The following VTI1A variants were observed in gnomAD, a reference collection of about 807,000 sequenced individuals.
VTI1A encodes the protein vesicle transport through interaction with t-SNAREs 1A.
A neutral mutation model predicts 34.9 loss-of-function variants in VTI1A; 22 were observed. The ratio of observed to expected loss-of-function variants is 0.63; its 90% confidence interval spans 0.45 to 0.90. The LOEUF (loss-of-function observed/expected upper bound fraction) is 0.90, where lower values mean the gene tolerates loss of function less well. Ranked by LOEUF, VTI1A falls within the 40% of genes least tolerant of loss-of-function variation. The pLI is 0.00. For synonymous variants in VTI1A, 87 were observed against 97.3 expected (o/e 0.89, Z 0.62); for missense variants, 268 against 275.6 (o/e 0.97, Z 0.20).
intron 5 of VTI1A, among the ~76,000 whole-genome samples, chr10:112,581,157 G>T (rs963921011): frequency 1.3e-5 from 2 of 152,198 alleles, no homozygotes; most frequent in East Asian, 1.9e-4. Flanking sequence ...ACACAGGGAG[G>T]AGAGTGTAGT....
chr10:112,530,767 G>A (rs1346307638), intron 4 of VTI1A, among the ~76,000 whole-genome samples: 1 of 152,090 alleles, frequency 6.6e-6, no homozygotes, highest in South Asian at 2.1e-4. Flanking sequence ...AGACCAGGGG[G>A]TGAAGTCGGT....
the VTI1A span, among the ~76,000 whole-genome samples, chr10:112,834,244 TG>T: frequency 6.6e-6 from 1 of 152,184 alleles, no homozygotes; most frequent in African/African-American, 2.4e-5. Flanking sequence ...CCCCAGTCTC[TG>T]GTCTGTTCAT....
chr10:112,690,005 G>T (rs552849420), intron 7 of VTI1A, among the ~76,000 whole-genome samples: 1 of 152,014 alleles, frequency 6.6e-6, no homozygotes, highest in East Asian at 1.9e-4. Flanking sequence ...TCATGTAAAT[G>T]GAATTATACA....
intron 5 of VTI1A, among the ~76,000 whole-genome samples, chr10:112,648,883 G>C (rs1846900780): frequency 6.6e-6 from 1 of 152,072 alleles, no homozygotes. Flanking sequence ...GTTTGTCAGT[G>C]GGTAAAATAT....
chr10:112,831,727 A>G, the VTI1A span: 1 of 152,050 alleles, frequency 6.6e-6, no homozygotes, highest in African/African-American at 2.4e-5. Context: ...TGGATAACCT[A>G]TTTTCTCATT....
intron 3 of VTI1A, among the ~76,000 whole-genome samples, chr10:112,520,692 A>G (rs1849990830): frequency 6.7e-6 from 1 of 150,188 alleles, no homozygotes; most frequent in Admixed American, 6.7e-5. Flanking sequence ...TGATATGCAT[A>G]TAAATATTCA....
At chr10:112,617,686 C>T (rs546141235) in intron 5 of VTI1A, among the ~76,000 whole-genome samples, 1 of 151,840 alleles carries the variant, frequency 6.6e-6, no homozygotes, top group African/African-American at 2.4e-5. Flanking sequence ...GACTTTGTTG[C>T]ATATGCATGG....
chr10:112,462,299 C>A (rs1251586159), intron 2 of VTI1A, among the ~76,000 whole-genome samples: 1 of 152,232 alleles, frequency 6.6e-6, no homozygotes, highest in African/African-American at 2.4e-5. Flanking sequence ...CTGCACTGGC[C>A]ACATAAATGT....
intron 5 of VTI1A, among the ~76,000 whole-genome samples, chr10:112,610,719 A>G (rs1468618422): frequency 1.3e-5 from 2 of 152,006 alleles, no homozygotes; most frequent in African/African-American, 4.8e-5. Context: ...GATTGAGACC[A>G]TCCTGGCTAA....
chr10:112,803,345 G>A (rs1485465805), intron 7 of VTI1A, among the ~76,000 whole-genome samples: 1 of 152,254 alleles, frequency 6.6e-6, no homozygotes, highest in African/African-American at 2.4e-5. Flanking sequence ...TGGGATTACA[G>A]GCATGAGCCA....
At chr10:112,486,998 T>C (rs1296780940) in intron 3 of VTI1A, among the ~76,000 whole-genome samples, 1 of 152,200 alleles carries the variant, frequency 6.6e-6, no homozygotes, top group Admixed American at 6.5e-5. Context: ...CTATCACTAT[T>C]TAATAGAGAT....
At position 112,473,103 on chromosome 10, in the gene VTI1A, C is replaced by CT. The variant is rs201001465; in HGVS notation, c.264+8464dup. Among the ~76,000 whole-genome samples the CT allele has an allele frequency of 7.8e-3, 1,038 of 133,800 alleles. 5 individuals are homozygous for CT. Among genetic ancestry groups the CT allele is most frequent in the Non-Finnish European group, 0.01 (637 of 62,002 alleles). The allele number at this position is 133,800 out of a possible 152,430, so 87.8% of individuals were successfully genotyped here. A position where few individuals can be genotyped will look rare whatever the true frequency, so the allele number is the denominator to read the frequency against. Reference sequence around the variant, plus strand: ...CATAACAATGAGGTCATTTGATCCACTTTTTTTTTTTTTTTTTTCTTTTTG... The same window carrying CT: ...CATAACAATGAGGTCATTTGATCCACTTTTTTTTTTTTTTTTTTTCTTTTTG... On this transcript the variant is annotated intron_variant, in intron 3 of 7. Transcript: ENST00000393077.
intron 3 of VTI1A, among the ~76,000 whole-genome samples, chr10:112,512,469 G>GT (rs1321744346): frequency 6.6e-6 from 1 of 152,108 alleles, no homozygotes; most frequent in Non-Finnish European, 1.5e-5. Flanking sequence ...TGGATGAATA[G>GT]TTTGTGTTTT....
chr10:112,495,423 T>C (rs1195868906), intron 3 of VTI1A, among the ~76,000 whole-genome samples: 2 of 152,104 alleles, frequency 1.3e-5, no homozygotes, highest in South Asian at 4.1e-4. Flanking sequence ...AAGGATAAAG[T>C]CCCAAGTTTC....
intron 7 of VTI1A, among the ~76,000 whole-genome samples, chr10:112,696,796 G>A (rs911751783): frequency 1.3e-5 from 2 of 152,122 alleles, no homozygotes; most frequent in Admixed American, 6.5e-5. Flanking sequence ...TTCTGCTGAG[G>A]GATTGTATTT....
chr10:112,479,790 G>T (rs573133919), intron 3 of VTI1A, among the ~76,000 whole-genome samples: 2 of 152,048 alleles, frequency 1.3e-5, no homozygotes, highest in East Asian at 3.9e-4. Context: ...CTCTGTCTTC[G>T]ACCTCTCCCC....
At chr10:112,569,476 A>G (rs563692358) in intron 5 of VTI1A, among the ~76,000 whole-genome samples, 40 of 152,234 alleles carry the variant, frequency 2.6e-4, no homozygotes, top group Admixed American at 5.2e-4. Flanking sequence ...CTTCTAGTCT[A>G]GAAAACAGAA....
chr10:112,747,647 A>C (rs1448475543), intron 7 of VTI1A, among the ~76,000 whole-genome samples: 1 of 152,200 alleles, frequency 6.6e-6, no homozygotes, highest in African/African-American at 2.4e-5. Flanking sequence ...GTAAGGGAGC[A>C]AAATAAATAT....
chr10:112,594,273 C>T (rs889086540), intron 5 of VTI1A, among the ~76,000 whole-genome samples: 1 of 152,152 alleles, frequency 6.6e-6, no homozygotes, highest in Admixed American at 6.5e-5. Context: ...AACATTTGAG[C>T]TCATAACCCC....
Sources: gnomAD v4.1 joint callset for allele counts (sites outside exome capture counted in the v4.1 genomes callset) on GRCh38, gnomAD v4.1.1 for gene constraint, MANE v1.5 for transcripts, NCBI Gene and HGNC (gene_info 2026-07-23, HGNC 2026-07-21) for gene names.